The following DENND2A variants were observed in gnomAD, a reference collection of about 807,000 sequenced individuals.
DENND2A encodes DENN domain containing 2A.
DENND2A carries 53 observed loss-of-function variants against 105.3 expected under a neutral mutation model. The ratio of observed to expected loss-of-function variants is 0.50; its 90% CI spans 0.40 to 0.63. The LOEUF (loss-of-function observed/expected upper bound fraction) is 0.63, where lower values mean the gene tolerates loss of function less well. DENND2A is among the 30% of genes least tolerant of loss of function. DENND2A has a pLI of 0.00. For missense variants in DENND2A, 1,138 were observed against 1,279.6 expected, an observed-to-expected ratio of 0.89 and a Z score of 1.69; for synonymous variants, 522 against 508.4, an observed-to-expected ratio of 1.03 and a Z score of -0.36.
At chr7:140,635,490 G>A (rs528455926) in intron 1 of DENND2A, among the ~76,000 whole-genome samples, 22 of 152,230 alleles carry the variant, frequency 1.4e-4, no homozygotes, top group African/African-American at 5.1e-4. Context: ...CGGGAGGAGG[G>A]GTCACAGCCA....
At chr7:140,632,713 C>A (rs1248495247) in intron 1 of DENND2A, among the ~76,000 whole-genome samples, 1 of 151,232 alleles carries the variant, frequency 6.6e-6, no homozygotes, top group African/African-American at 2.4e-5. Context: ...GGACTACAGG[C>A]GCCTGCCTCC....
intron 14 of DENND2A, among the ~76,000 whole-genome samples, chr7:140,528,674 C>T (rs1466510337): frequency 2.6e-5 from 4 of 151,172 alleles, no homozygotes; most frequent in Admixed American, 6.6e-5. Flanking sequence ...GCAGGAGAAT[C>T]GGTTGAACCC....
At chr7:140,617,359 G>A (rs1378591301) in intron 1 of DENND2A, among the ~76,000 whole-genome samples, 2 of 152,214 alleles carry the variant, frequency 1.3e-5, no homozygotes, top group Non-Finnish European at 2.9e-5. Flanking sequence ...CTCAGGACCA[G>A]GAGCATCAAC....
chr7:140,548,296 TA>T (rs34963245), intron 12 of DENND2A, among the ~76,000 whole-genome samples: 5,858 of 136,690 alleles, frequency 0.043, 331 homozygotes, highest in African/African-American at 0.14. Context: ...ACTAAAAAAC[TA>T]AAAAAAAAAA....
chr7:140,613,657 C>A (rs1004748540), intron 1 of DENND2A, among the ~76,000 whole-genome samples: 1 of 142,008 alleles, frequency 7.0e-6, no homozygotes, highest in African/African-American at 2.9e-5. Context: ...TATGGAGCAG[C>A]CACCCTTAAA....
intron 9 of DENND2A, among the ~76,000 whole-genome samples, chr7:140,561,498 C>CTTTTTTTT (rs536896244): frequency 4.9e-5 from 5 of 102,502 alleles, no homozygotes; most frequent in East Asian, 3.4e-4. Flanking sequence ...TTTCTGTTGT[C>CTTTTTTTT]TTTTTTTTTT....
intron 12 of DENND2A, among the ~76,000 whole-genome samples, chr7:140,551,647 G>C (rs1797144326): frequency 6.6e-6 from 1 of 152,180 alleles, no homozygotes; most frequent in Non-Finnish European, 1.5e-5. Flanking sequence ...ACAAATGATT[G>C]AATCTTGAAG....
At chr7:140,608,613 T>C (rs1192133828) in intron 1 of DENND2A, among the ~76,000 whole-genome samples, 1 of 151,218 alleles carries the variant, frequency 6.6e-6, no homozygotes, top group Non-Finnish European at 1.5e-5. Flanking sequence ...CAGATGGAGG[T>C]TGCAGTGAGC....
chr7:140,588,516 A>C (rs1798878592), intron 3 of DENND2A, among the ~76,000 whole-genome samples: 1 of 152,178 alleles, frequency 6.6e-6, no homozygotes, highest in South Asian at 2.1e-4. Context: ...TTATTATAGT[A>C]CAGATAGTCC....
intron 3 of DENND2A, among the ~76,000 whole-genome samples, chr7:140,598,691 C>T (rs914881420): frequency 6.6e-6 from 1 of 151,918 alleles, no homozygotes; most frequent in Non-Finnish European, 1.5e-5. Flanking sequence ...AAGACATTAA[C>T]CATTGCATTA....
intron 16 of DENND2A, among the ~76,000 whole-genome samples, chr7:140,524,556 A>ATT (rs1207432385): frequency 1.3e-5 from 2 of 151,182 alleles, no homozygotes; most frequent in Non-Finnish European, 2.9e-5. Flanking sequence ...GTATATACAT[A>ATT]TTTTTTTTCC....
At chr7:140,608,442 C>T (rs772635651) in intron 1 of DENND2A, among the ~76,000 whole-genome samples, 8 of 152,144 alleles carry the variant, frequency 5.3e-5, no homozygotes, top group East Asian at 1.9e-4. Flanking sequence ...TTTTGGAGGC[C>T]GGGGTGGGCT....
chr7:140,547,102 C>A (rs1796939689), intron 12 of DENND2A, among the ~76,000 whole-genome samples, 163 bp from the exon 13 acceptor site: 1 of 152,176 alleles, frequency 6.6e-6, no homozygotes, highest in South Asian at 2.1e-4. Context: ...ACATGATTGT[C>A]CCCAATTCTT....
intron 14 of DENND2A, among the ~76,000 whole-genome samples, chr7:140,531,167 T>G (rs1359740180): frequency 6.6e-6 from 1 of 152,262 alleles, no homozygotes; most frequent in African/African-American, 2.4e-5. Flanking sequence ...TATGTTTTAG[T>G]TCCTTGATCT....
At chr7:140,556,705 A>T (rs577277444) in intron 11 of DENND2A, among the ~76,000 whole-genome samples, 1 of 152,278 alleles carries the variant, frequency 6.6e-6, no homozygotes, top group African/African-American at 2.4e-5. Context: ...ACCTTTTTCA[A>T]TTATCCATGC....
intron 1 of DENND2A, among the ~76,000 whole-genome samples, chr7:140,615,768 G>A (rs1419175872): frequency 1.3e-5 from 2 of 151,380 alleles, no homozygotes; most frequent in Non-Finnish European, 2.9e-5. Context: ...GGCCAGGCTG[G>A]TCTTGAACTC....
chr7:140,601,738 C>G lies in DENND2A; in HGVS notation c.660G>C (p.Ser220=), dbSNP rs188173983. 2 of 1,613,994 alleles carry G rather than the reference C, an allele frequency of 1.2e-6. No individual in the cohort carries two copies. Among genetic ancestry groups the G allele is most frequent in the South Asian group, 1.1e-5 (1 of 91,060 alleles). ...GSEVSQRVHP[S]DLEGREPTPE... ...GGGTGGGCTCCCTGCCTTCCAGGTC[C>G]GAGGGGTGGACCCTCTGGCTGACTT... is the stretch of plus-strand genomic sequence containing the variant. The change falls in exon 3 of 20, where the codon TCG becomes TCC. Residue 220 remains serine (S), a synonymous_variant. Transcript: ENST00000496613.
chr7:140,589,142 G>C (rs77989493), intron 3 of DENND2A, among the ~76,000 whole-genome samples: 5,499 of 152,210 alleles, frequency 0.036, 176 homozygotes, highest in African/African-American at 0.092. Context: ...GGGTCTGACC[G>C]CAGGAAGTCT....
chr7:140,609,964 T>C (rs1799833304), intron 1 of DENND2A: 1 of 152,196 alleles, frequency 6.6e-6, no homozygotes, highest in Non-Finnish European at 1.5e-5. Flanking sequence ...GTGGGTTTTT[T>C]TCAATTACTC....
Sources: gnomAD v4.1 joint callset for allele counts (sites outside exome capture counted in the v4.1 genomes callset) on GRCh38, gnomAD v4.1.1 for gene constraint, MANE v1.5 for transcripts, NCBI Gene and HGNC (gene_info 2026-07-23, HGNC 2026-07-21) for gene names.